Variants in PARD3B observed in about 807,000 individuals in gnomAD.
PARD3B encodes the protein par-3 family cell polarity regulator beta.
PARD3B carries 103 observed loss-of-function variants against 130.2 expected under a neutral mutation model. The ratio of observed to expected loss-of-function variants is 0.79; its 90% CI spans 0.67 to 0.93. PARD3B has a LOEUF of 0.93. Among genes scored for constraint, PARD3B ranks in the 40% least tolerant of loss-of-function variants. PARD3B has a pLI of 0.00. For missense variants in PARD3B, 1,609 were observed against 1,499.2 expected, an observed-to-expected ratio of 1.07 and a Z score of -1.21; for synonymous variants, 583 against 553.2, an observed-to-expected ratio of 1.05 and a Z score of -0.76.
At chr2:205,428,566 T>A (rs1168154193) in intron 19 of PARD3B, among the ~76,000 whole-genome samples, 1 of 152,134 alleles carries the variant, frequency 6.6e-6, no homozygotes, top group African/African-American at 2.4e-5. Flanking sequence ...CTATTATTTA[T>A]TTATAAGGCT....
chr2:205,024,229 G>A (rs556110782), intron 3 of PARD3B, among the ~76,000 whole-genome samples: 8 of 144,192 alleles, frequency 5.5e-5, no homozygotes, highest in African/African-American at 7.8e-5. Flanking sequence ...GTGCAGTGGC[G>A]CGTTCTTGGC....
chr2:205,359,246 A>G (rs2044302984), intron 18 of PARD3B, among the ~76,000 whole-genome samples: 1 of 152,206 alleles, frequency 6.6e-6, no homozygotes, highest in Non-Finnish European at 1.5e-5. Flanking sequence ...CAGCAAGTTA[A>G]TAATTCATCT....
chr2:204,998,399 T>TAAAGAATTAGAGAAGAA (rs1559341725), intron 3 of PARD3B, among the ~76,000 whole-genome samples: 2 of 73,434 alleles, frequency 2.7e-5, no homozygotes, highest in Non-Finnish European at 5.5e-5. Flanking sequence ...TATATATGTA[T>TAAAGAATTAGAGAAGAA]ATATGTGTAT....
intron 2 of PARD3B, among the ~76,000 whole-genome samples, chr2:204,869,984 A>G (rs761632935): frequency 2.0e-5 from 3 of 152,208 alleles, no homozygotes; most frequent in African/African-American, 2.4e-5. Flanking sequence ...GTTTTCTGAT[A>G]GGGCTGTACC....
At chr2:205,130,640 T>G (rs2031910627) in intron 10 of PARD3B, among the ~76,000 whole-genome samples, 1 of 152,222 alleles carries the variant, frequency 6.6e-6, no homozygotes, top group South Asian at 2.1e-4. Flanking sequence ...GCCTTATTTC[T>G]AAATCATCCT....
chr2:205,212,810 G>C (rs1246907317), intron 15 of PARD3B, among the ~76,000 whole-genome samples: 1 of 152,096 alleles, frequency 6.6e-6, no homozygotes, highest in African/African-American at 2.4e-5. Flanking sequence ...TTTACATATG[G>C]TAAAAAGATC....
intron 18 of PARD3B, among the ~76,000 whole-genome samples, chr2:205,377,420 C>T (rs1029715630): frequency 4.6e-5 from 7 of 152,084 alleles, no homozygotes; most frequent in African/African-American, 1.7e-4. Flanking sequence ...TGGGAAACAC[C>T]AGTAAGGGGT....
At chr2:204,557,168 T>C (rs899379735) in intron 1 of PARD3B, among the ~76,000 whole-genome samples, 2 of 152,078 alleles carry the variant, frequency 1.3e-5, no homozygotes, top group African/African-American at 2.4e-5. Flanking sequence ...ACCACATGGC[T>C]TCACCTACCC....
In PARD3B at chr2:204,623,773, A is replaced by G. The variant is rs1259086344; in HGVS notation, c.121-62408A>G. On this transcript the variant is annotated intron_variant, in intron 1 of 22. Coordinates refer to ENST00000406610, the MANE Select transcript of PARD3B (RefSeq NM_001302769.2). This position sits in a 1 kb window ranked among gnomAD's most constrained non-coding sequence, Gnocchi z 4.5. The stretch of plus-strand genomic sequence containing the variant: ...TCTCTAGAACTGAATTATGTTGCAT[A>G]AATGAAGAATTTATACCCATTGAAT... 6.6e-6 allele frequency among the ~76,000 whole-genome samples: 1 copy of G among 152,214 alleles called. No individual in the cohort carries two copies. The highest frequency in any genetic ancestry group is 1.5e-5 in the Non-Finnish European group (1 of 68,040).
chr2:204,699,564 G>A (rs1470003280), intron 2 of PARD3B, among the ~76,000 whole-genome samples: 2 of 152,026 alleles, frequency 1.3e-5, no homozygotes, highest in African/African-American at 2.4e-5. Context: ...TGTTGGGGGT[G>A]GGGGAGATAA....
intron 22 of PARD3B, among the ~76,000 whole-genome samples, chr2:205,573,043 A>G (rs747242045): frequency 3.2e-4 from 49 of 152,290 alleles, no homozygotes; most frequent in Non-Finnish European, 6.3e-4. Context: ...AGAGCGAAGC[A>G]GGAGAAAAGC....
At chr2:204,916,210 G>A (rs1398288994) in intron 2 of PARD3B, among the ~76,000 whole-genome samples, 1 of 152,162 alleles carries the variant, frequency 6.6e-6, no homozygotes, top group Non-Finnish European at 1.5e-5. Flanking sequence ...CATTATTCAT[G>A]CAAAACCAAA....
chr2:205,059,992 A>G (rs1575671733), intron 4 of PARD3B, among the ~76,000 whole-genome samples: 1 of 152,062 alleles, frequency 6.6e-6, no homozygotes, highest in East Asian at 1.9e-4. Context: ...TTTACAGACG[A>G]CGAAGTTCAG....
chr2:205,227,455 A>C (rs1574448072), intron 15 of PARD3B, among the ~76,000 whole-genome samples: 1 of 151,882 alleles, frequency 6.6e-6, no homozygotes, highest in African/African-American at 2.4e-5. Flanking sequence ...TCTTTTCATA[A>C]TTTTTGCCCT....
chr2:205,420,847 G>C (rs2046943056), intron 19 of PARD3B, among the ~76,000 whole-genome samples: 3 of 152,114 alleles, frequency 2.0e-5, no homozygotes, highest in Admixed American at 6.6e-5. Context: ...TTTGCCTTAT[G>C]AAAAATGCAA....
intron 19 of PARD3B, among the ~76,000 whole-genome samples, chr2:205,433,205 C>A (rs1364526819): frequency 6.6e-6 from 1 of 152,116 alleles, no homozygotes. Context: ...GTATAATCAG[C>A]ATTTTTGCCT....
chr2:205,588,011 A>G (rs1345348218), intron 22 of PARD3B, among the ~76,000 whole-genome samples: 1 of 152,232 alleles, frequency 6.6e-6, no homozygotes, highest in Admixed American at 6.5e-5. Flanking sequence ...TAGCACCTGC[A>G]TGCAGTGGGC....
chr2:205,216,652 T>A (rs2037926409), intron 15 of PARD3B, among the ~76,000 whole-genome samples: 1 of 152,138 alleles, frequency 6.6e-6, no homozygotes, highest in African/African-American at 2.4e-5. Context: ...TTCGTATCAT[T>A]GAGGACTTAT....
chr2:205,480,062 C>T (rs1320648957), intron 20 of PARD3B, among the ~76,000 whole-genome samples: 3 of 151,976 alleles, frequency 2.0e-5, no homozygotes, highest in South Asian at 2.1e-4. Flanking sequence ...TCCACCATGC[C>T]CAGCTAATTT....
Sources: gnomAD v4.1 joint callset for allele counts (sites outside exome capture counted in the v4.1 genomes callset) on GRCh38, gnomAD v4.1.1 for gene constraint, Gnocchi (gnomAD v3.1) non-coding constraint, MANE v1.5 for transcripts, NCBI Gene and HGNC (gene_info 2026-07-23, HGNC 2026-07-21) for gene names.